Variants in THSD4 observed in about 807,000 individuals in gnomAD.
THSD4 encodes the protein thrombospondin type-1 domain-containing protein 4.
THSD4 carries 69 observed loss-of-function variants against 119.0 expected under a neutral mutation model. The observed-to-expected ratio is 0.58, with a 90% CI of 0.48 to 0.71. The LOEUF (loss-of-function observed/expected upper bound fraction) is 0.71, where lower values mean the gene tolerates loss of function less well. THSD4 is among the 30% of genes least tolerant of loss of function. THSD4 has a pLI of 0.00. For missense variants in THSD4, 1,393 were observed against 1,391.1 expected, an observed-to-expected ratio of 1.00 and a Z score of -0.02; for synonymous variants, 524 against 540.4, an observed-to-expected ratio of 0.97 and a Z score of 0.42.
chr15:71,532,728 C>T (rs1328374644), intron 7 of THSD4, among the ~76,000 whole-genome samples: 1 of 152,176 alleles, frequency 6.6e-6, no homozygotes, highest in Non-Finnish European at 1.5e-5. Context: ...TCTCTTAAAA[C>T]ATGCAAAGCC....
intron 4 of THSD4, among the ~76,000 whole-genome samples, chr15:71,222,007 AT>A (rs1189191776): frequency 1.3e-5 from 2 of 152,028 alleles, no homozygotes; most frequent in East Asian, 1.9e-4. Flanking sequence ...GATGTTGAAC[AT>A]TTTTTTATGT....
At chr15:71,391,852 A>G (rs1296078580) in intron 6 of THSD4, among the ~76,000 whole-genome samples, 1 of 152,192 alleles carries the variant, frequency 6.6e-6, no homozygotes, top group Non-Finnish European at 1.5e-5. Context: ...AGATCCAATA[A>G]CAAAATGAAA....
At chr15:71,244,681 A>G (rs1364573770) in intron 5 of THSD4, among the ~76,000 whole-genome samples, 1 of 152,138 alleles carries the variant, frequency 6.6e-6, no homozygotes, top group East Asian at 1.9e-4. Flanking sequence ...TCTACCTCCT[A>G]GCATTGCTTT....
intron 6 of THSD4, among the ~76,000 whole-genome samples, chr15:71,293,387 T>C (rs961060630): frequency 6.6e-6 from 1 of 152,156 alleles, no homozygotes; most frequent in Non-Finnish European, 1.5e-5. Context: ...TGCCCTGAGC[T>C]CTGTTCTCCA....
intron 6 of THSD4, among the ~76,000 whole-genome samples, chr15:71,340,834 A>C (rs938912978): frequency 3.3e-5 from 5 of 152,064 alleles, no homozygotes; most frequent in Non-Finnish European, 7.4e-5. Context: ...TCTTGAGCTC[A>C]GGTGGTCCAC....
chr15:71,324,111 G>A (rs1017151464), intron 6 of THSD4, among the ~76,000 whole-genome samples: 1 of 151,746 alleles, frequency 6.6e-6, no homozygotes, highest in Non-Finnish European at 1.5e-5. Context: ...TGTTAATACC[G>A]CAGGTATACT....
chr15:71,384,857 C>A (rs2046276175), intron 6 of THSD4, among the ~76,000 whole-genome samples: 2 of 152,194 alleles, frequency 1.3e-5, no homozygotes, highest in South Asian at 4.1e-4. Context: ...GTACTCAATT[C>A]TTCCAAAGTT....
intron 7 of THSD4, among the ~76,000 whole-genome samples, chr15:71,502,418 A>G (rs901920355): frequency 2.6e-5 from 4 of 152,232 alleles, no homozygotes; most frequent in African/African-American, 9.6e-5. Flanking sequence ...GTAGAAAACA[A>G]TTTAGAGGTT....
Position 71,693,754 on chromosome 15 carries a change from C to A in THSD4, c.1357+33020C>A, listed in dbSNP as rs112331749. On this transcript the variant is annotated intron_variant, in intron 8 of 17. Transcript: ENST00000261862. ...TTCTCATGGTAATGAACAAGTCTCC[C>A]GAGATTTGATGATTTTCTAAGGGGT... Among the ~76,000 whole-genome samples the A allele has an allele frequency of 9.7e-3, 1,484 of 152,208 alleles. 19 individuals are homozygous for A. The highest frequency in any genetic ancestry group is 0.034 in the African/African-American group (1,406 of 41,518).
intron 7 of THSD4, among the ~76,000 whole-genome samples, chr15:71,518,915 A>G (rs1719914966): frequency 1.3e-5 from 2 of 152,238 alleles, no homozygotes; most frequent in Non-Finnish European, 2.9e-5. Flanking sequence ...CTTATGGAGC[A>G]TATGCCCTGG....
chr15:71,583,010 C>T (rs917281117), intron 7 of THSD4, among the ~76,000 whole-genome samples: 1 of 152,084 alleles, frequency 6.6e-6, no homozygotes, highest in African/African-American at 2.4e-5. Flanking sequence ...TGGCATTAAT[C>T]CTTCTTTAAA....
intron 5 of THSD4, among the ~76,000 whole-genome samples, chr15:71,246,369 G>C (rs1258920643): frequency 6.6e-6 from 1 of 152,154 alleles, no homozygotes; most frequent in African/African-American, 2.4e-5. Context: ...AGAAATACGT[G>C]GATGAAATGA....
intron 14 of THSD4, among the ~76,000 whole-genome samples, chr15:71,751,354 A>G (rs2053445547): frequency 6.6e-6 from 1 of 152,202 alleles, no homozygotes; most frequent in Admixed American, 6.5e-5. Flanking sequence ...TGTTTTAAGA[A>G]TATGAGAAAT....
In THSD4 at chr15:71,440,787, A is replaced by T. The variant is rs12899493; in HGVS notation, c.1152+28964A>T. ...ATGCACCAAAAAGGCCAAAATACAA[A>T]AATGGAAGTGGAGTCATTGGGGCAA... On this transcript the variant is annotated intron_variant, in intron 7 of 17. Transcript: ENST00000261862. Among the ~76,000 whole-genome samples the T allele has an allele frequency of 9.2e-3, 1,400 of 152,298 alleles. 12 individuals carry two copies. Among genetic ancestry groups the T allele is most frequent in the Middle Eastern group, 0.02 (6 of 294 alleles).
chr15:71,752,029 G>A lies in THSD4; in HGVS notation c.2415+3435G>A, dbSNP rs112731436. On this transcript the variant is annotated intron_variant, in intron 14 of 17. Transcript: ENST00000261862. Reference sequence around the variant, plus strand: ...AATTGTTCTCCAGAAAGATTATTTCGGTGTAGTCTTCCAAGCAGCAACTGA... The same window carrying A: ...AATTGTTCTCCAGAAAGATTATTTCAGTGTAGTCTTCCAAGCAGCAACTGA... 9.4e-4 allele frequency among the ~76,000 whole-genome samples: 143 copies of A among 152,178 alleles called. 1 individual carries two copies. Among genetic ancestry groups the A allele is most frequent in the African/African-American group, 3.1e-3 (128 of 41,510 alleles).
chr15:71,779,301 A>G lies in THSD4; in HGVS notation c.*1927A>G, dbSNP rs1483068118. On this transcript the variant is annotated 3_prime_UTR_variant, in exon 18 of 18. Transcript: ENST00000261862. ...CCGACAAAGTGAAAAGAGACCAGAG[A>G]GGCCAAGCATATTGACTGGTGCTGT... is the stretch of plus-strand genomic sequence containing the variant. 2.0e-5 allele frequency: 3 copies of G among 152,220 alleles called. No homozygotes were observed. The highest frequency in any genetic ancestry group is 7.2e-5 in the African/African-American group (3 of 41,446). 9.4% of individuals were successfully genotyped at this position (152,220 alleles called of 1,614,324 possible). A position where few individuals can be genotyped will look rare whatever the true frequency, so the allele number is the denominator to read the frequency against.
intron 7 of THSD4, among the ~76,000 whole-genome samples, chr15:71,499,886 C>CA (rs1178250072): frequency 3.9e-5 from 6 of 152,088 alleles, no homozygotes; most frequent in Non-Finnish European, 7.4e-5. Context: ...CCACTTTATC[C>CA]ATTCATCTAC....
intron 8 of THSD4, among the ~76,000 whole-genome samples, chr15:71,674,098 A>G (rs147307512): frequency 5.9e-5 from 9 of 152,312 alleles, no homozygotes; most frequent in African/African-American, 2.2e-4. Context: ...ACCTCATTCT[A>G]TTCAGAGAAT....
chr15:71,157,246 C>T (rs1183208301), intron 3 of THSD4, among the ~76,000 whole-genome samples: 1 of 152,122 alleles, frequency 6.6e-6, no homozygotes, highest in Non-Finnish European at 1.5e-5. Context: ...AGGTATCACT[C>T]TCATCTTTCT....
Sources: allele counts gnomAD v4.1 joint callset (sites outside exome capture counted in the v4.1 genomes callset), GRCh38; gene constraint gnomAD v4.1.1; transcripts MANE v1.5; gene names NCBI Gene and HGNC (gene_info 2026-07-23, HGNC 2026-07-21).